Variants in AKAP7 observed in about 807,000 individuals in gnomAD.
AKAP7 encodes A kinase (PRKA) anchor protein 7.
Under a neutral mutation model 39.5 loss-of-function variants are expected in AKAP7, and 39 were observed. The ratio of observed to expected loss-of-function variants is 0.99; its 90% CI spans 0.76 to 1.29. AKAP7 has a LOEUF of 1.29. AKAP7 is among the 50% of genes most tolerant of loss of function. The pLI, the probability that AKAP7 is intolerant of heterozygous loss-of-function variation, is 0.00. For missense variants in AKAP7, 414 were observed against 407.7 expected (o/e 1.02, Z -0.13); for synonymous variants, 140 against 139.1 (o/e 1.01, Z -0.05).
chr6:131,171,542 G>A (rs146617689), intron 5 of AKAP7, among the ~76,000 whole-genome samples: 45 of 152,262 alleles, frequency 3.0e-4, no homozygotes, highest in African/African-American at 1.1e-3. Flanking sequence ...ATGCTAAAGG[G>A]AGCAGTGAAG....
chr6:131,202,952 A>C (rs1807741412), intron 6 of AKAP7, among the ~76,000 whole-genome samples: 1 of 152,110 alleles, frequency 6.6e-6, no homozygotes, highest in Non-Finnish European at 1.5e-5. Context: ...GTACTGGTTG[A>C]AGCTTCAGAT....
chr6:131,282,384 A>AC lies in AKAP7; in HGVS notation c.*658_*659insC. The AC allele has an allele frequency of 6.9e-7, 1 of 1,440,924 alleles. No individual in the cohort carries two copies. Among genetic ancestry groups the AC allele is most frequent in the Non-Finnish European group, 9.1e-7 (1 of 1,098,054 alleles). The allele number at this position is 1,440,924 out of a possible 1,614,324, so 89.3% of individuals were successfully genotyped here. A position where few individuals can be genotyped will look rare whatever the true frequency, so the allele number is the denominator to read the frequency against. On this transcript the variant is annotated 3_prime_UTR_variant, in exon 8 of 8. Coordinates refer to ENST00000431975, the MANE Select transcript of AKAP7 (RefSeq NM_016377.4). ...ATATTTAATGAAATGTTATTATATA[A>AC]TTTTTTTTTCTTAGGCAAGAAACCT...
intron 7 of AKAP7, among the ~76,000 whole-genome samples, chr6:131,227,083 A>T (rs1554215403): frequency 6.6e-6 from 1 of 152,198 alleles, no homozygotes; most frequent in Non-Finnish European, 1.5e-5. Flanking sequence ...GAAGCTTATA[A>T]TTTTACCATT....
chr6:131,175,908 C>T (rs1314980511), intron 5 of AKAP7, among the ~76,000 whole-genome samples: 1 of 152,110 alleles, frequency 6.6e-6, no homozygotes, highest in African/African-American at 2.4e-5. Flanking sequence ...CTTCATCAAA[C>T]ATAGCATAAA....
chr6:131,241,625 G>GTATATATATATATATA (rs1372694997), intron 7 of AKAP7, among the ~76,000 whole-genome samples: 9 of 65,274 alleles, frequency 1.4e-4, no homozygotes, highest in Non-Finnish European at 1.7e-4. Context: ...GTGTGTGTGT[G>GTATATATATATATATA]TGTATATATA....
In AKAP7 at chr6:131,223,861, C is replaced by G. The variant is rs558993342; in HGVS notation, c.850+4053C>G. Among the ~76,000 whole-genome samples the G allele has an allele frequency of 7.2e-5, 11 of 152,252 alleles. No homozygotes were observed. The East Asian group carries it at 2.1e-3, about 29-fold the overall frequency. On this transcript the variant is annotated intron_variant, in intron 7 of 7. Coordinates refer to ENST00000431975, the MANE Select transcript of AKAP7 (RefSeq NM_016377.4). ...ATTGACACTGGACAGTTCTATTCAGCCTACCACCCCCCATCACTGTGTTCA... is the reference window on the plus strand; with the variant it reads ...ATTGACACTGGACAGTTCTATTCAGGCTACCACCCCCCATCACTGTGTTCA...
intron 5 of AKAP7, among the ~76,000 whole-genome samples, chr6:131,171,550 A>G (rs1448784008): frequency 6.6e-6 from 1 of 152,206 alleles, no homozygotes; most frequent in Non-Finnish European, 1.5e-5. Flanking sequence ...GGGAGCAGTG[A>G]AGGTAAAATA....
chr6:131,224,230 A>G (rs1809955625), intron 7 of AKAP7, among the ~76,000 whole-genome samples: 1 of 152,202 alleles, frequency 6.6e-6, no homozygotes, highest in Non-Finnish European at 1.5e-5. Flanking sequence ...GCTTATAGAT[A>G]TTATTGATTT....
intron 7 of AKAP7, among the ~76,000 whole-genome samples, chr6:131,238,724 T>A (rs1811288664): frequency 6.6e-6 from 1 of 152,228 alleles, no homozygotes; most frequent in Non-Finnish European, 1.5e-5. Flanking sequence ...AGACTAGGAT[T>A]GCAACCCCTG....
chr6:131,227,062 A>G (rs761359923), intron 7 of AKAP7, among the ~76,000 whole-genome samples: 17 of 152,194 alleles, frequency 1.1e-4, no homozygotes, highest in Non-Finnish European at 2.2e-4. Context: ...GGGATTTGAT[A>G]GGACACAGTG....
At chr6:131,152,528 A>G (rs1285298793) in intron 2 of AKAP7, among the ~76,000 whole-genome samples, 3 of 152,226 alleles carry the variant, frequency 2.0e-5, no homozygotes, top group Non-Finnish European at 2.9e-5. Context: ...TATGCAAACA[A>G]GAGAGAAGAA....
At chr6:131,229,870 G>A (rs1249966285) in intron 7 of AKAP7, among the ~76,000 whole-genome samples, 1 of 152,184 alleles carries the variant, frequency 6.6e-6, no homozygotes, top group Non-Finnish European at 1.5e-5. Flanking sequence ...CTAGGGAGAT[G>A]GGGGTGATAT....
At chr6:131,176,015 C>T (rs1329088313) in intron 5 of AKAP7, among the ~76,000 whole-genome samples, 1 of 152,138 alleles carries the variant, frequency 6.6e-6, no homozygotes, top group Non-Finnish European at 1.5e-5. Context: ...ATGCTTGTCT[C>T]TTGTTAATCT....
intron 2 of AKAP7, among the ~76,000 whole-genome samples, chr6:131,154,468 GTT>G (rs58715551): frequency 0.25 from 27,562 of 112,288 alleles, 3,071 homozygotes; most frequent in Middle Eastern, 0.35. Flanking sequence ...CCCTGTCCCT[GTT>G]TTTTTTTTTT....
intron 5 of AKAP7, among the ~76,000 whole-genome samples, chr6:131,182,120 C>T (rs1055623265): frequency 3.6e-5 from 5 of 140,260 alleles, no homozygotes; most frequent in East Asian, 2.0e-4. Context: ...AGCAAGAGTC[C>T]GTCTGAAAAA....
At chr6:131,261,240 A>C (rs949183951) in intron 7 of AKAP7, among the ~76,000 whole-genome samples, 1 of 151,946 alleles carries the variant, frequency 6.6e-6, no homozygotes, top group African/African-American at 2.4e-5. Context: ...ATTTTAAATT[A>C]ATGGCTTTAA....
intron 7 of AKAP7, among the ~76,000 whole-genome samples, chr6:131,261,472 AG>A (rs1211425350): frequency 1.3e-5 from 2 of 152,110 alleles, no homozygotes; most frequent in Non-Finnish European, 1.5e-5. Flanking sequence ...GTCCACATTT[AG>A]GTTTAAATTA....
chr6:131,219,289 CAAA>C (rs755215493), intron 6 of AKAP7, among the ~76,000 whole-genome samples: 2 of 72,590 alleles, frequency 2.8e-5, no homozygotes, highest in African/African-American at 5.0e-5. Flanking sequence ...CACTCCATTT[CAAA>C]AAAAAAAAAA....
At chr6:131,253,186 T>C in intron 7 of AKAP7, 1 of 1,303,584 alleles carries the variant, frequency 7.7e-7, no homozygotes, top group African/African-American at 1.5e-5. Context: ...TAGATAGAAA[T>C]AATTCTAATT....
Sources: gnomAD v4.1 joint callset for allele counts (sites outside exome capture counted in the v4.1 genomes callset) on GRCh38, gnomAD v4.1.1 for gene constraint, MANE v1.5 for transcripts, NCBI Gene and HGNC (gene_info 2026-07-23, HGNC 2026-07-21) for gene names.